The following DOCK1 variants were observed in gnomAD, a reference collection of about 807,000 sequenced individuals.
The protein encoded by DOCK1 is dedicator of cytokinesis protein 1.
Under a neutral mutation model 262.7 loss-of-function variants are expected in DOCK1, and 138 were observed. That is an observed-to-expected ratio of 0.53 (90% CI 0.46 to 0.61). The LOEUF is 0.61. DOCK1 is among the 20% of genes least tolerant of loss of function. The pLI is 0.00. For missense variants in DOCK1, 1,908 were observed against 2,370.7 expected (o/e 0.80, Z 4.05); for synonymous variants, 866 against 867.4 (o/e 1.00, Z 0.03).
At chr10:126,948,995 C>T (rs1169738581) in intron 1 of DOCK1, among the ~76,000 whole-genome samples, 1 of 152,138 alleles carries the variant, frequency 6.6e-6, no homozygotes, top group Non-Finnish European at 1.5e-5. Flanking sequence ...CCCCTGGACC[C>T]TGTTCCCTTT....
chr10:127,186,137 G>C (rs2056210772), intron 27 of DOCK1, among the ~76,000 whole-genome samples: 1 of 152,200 alleles, frequency 6.6e-6, no homozygotes, highest in South Asian at 2.1e-4. Flanking sequence ...AAACAATAGA[G>C]GGTCTGGGGC....
At chr10:127,272,450 A>G (rs562529964) in intron 29 of DOCK1, among the ~76,000 whole-genome samples, 2 of 152,324 alleles carry the variant, frequency 1.3e-5, no homozygotes, top group African/African-American at 4.8e-5. Context: ...CTAAATGCTA[A>G]TGTTTGTAAA....
intron 27 of DOCK1, among the ~76,000 whole-genome samples, chr10:127,147,751 G>T (rs1010195498): frequency 5.9e-5 from 9 of 152,076 alleles, no homozygotes; most frequent in Non-Finnish European, 1.0e-4. Context: ...ACCTGTCCTT[G>T]TCTGGGCACG....
chr10:127,450,592 G>GT (rs1469054123), intron 51 of DOCK1, among the ~76,000 whole-genome samples: 18 of 152,194 alleles, frequency 1.2e-4, no homozygotes, highest in African/African-American at 4.1e-4. Flanking sequence ...CATCAGGTGT[G>GT]TGTGATGGGC....
chr10:127,020,271 A>G lies in DOCK1; in HGVS notation c.1327+1436A>G, dbSNP rs76154605. 1.3e-4 allele frequency among the ~76,000 whole-genome samples: 20 copies of G among 152,338 alleles called. No homozygotes were observed. The East Asian group carries it at 3.9e-3, about 29-fold the overall frequency. On this transcript the variant is annotated intron_variant, in intron 13 of 51. Coordinates refer to ENST00000623213, the MANE Select transcript of DOCK1 (RefSeq NM_001290223.2). ...TTGCATTTGAGATACAGATTTATAA[A>G]TTAGGATGAAGCAATTGGCAATATG...
chr10:126,912,688 C>A (rs10751588), intron 1 of DOCK1, among the ~76,000 whole-genome samples: 3 of 148,136 alleles, frequency 2.0e-5, no homozygotes, highest in Admixed American at 2.0e-4. Flanking sequence ...ATCGCGCCAC[C>A]GTACTCCAGC....
chr10:127,256,963 T>C (rs1213785122), intron 28 of DOCK1, among the ~76,000 whole-genome samples: 2 of 152,190 alleles, frequency 1.3e-5, no homozygotes, highest in African/African-American at 4.8e-5. Context: ...TCATGAAAAA[T>C]TGATTTAGAG....
At position 127,176,379 on chromosome 10, in the gene DOCK1, G is replaced by A; in HGVS notation, c.2847+48615G>A. The A allele has an allele frequency of 6.2e-7, 1 of 1,608,638 alleles. No individual in the cohort carries two copies. The highest frequency in any genetic ancestry group is 1.1e-5 in the South Asian group (1 of 90,528). Reference sequence around the variant, plus strand: ...CGACGTTGTGAGTATGCATTTGCCGGTGTCCTTACTGACCATGGTTCCTGC... The same window carrying A: ...CGACGTTGTGAGTATGCATTTGCCGATGTCCTTACTGACCATGGTTCCTGC... On this transcript the variant is annotated intron_variant, in intron 27 of 51. Coordinates refer to ENST00000623213, the MANE Select transcript of DOCK1 (RefSeq NM_001290223.2). The surrounding 1 kb of genome is among the most constrained non-coding windows in gnomAD (Gnocchi z 4.4).
At position 127,000,075 on chromosome 10, in the gene DOCK1, G is replaced by A. The variant is rs182074606; in HGVS notation, c.850-97G>A. The A allele has an allele frequency of 3.4e-4, 483 of 1,400,142 alleles. 1 individual carries two copies. Among genetic ancestry groups the A allele is most frequent in the Non-Finnish European group, 4.4e-4 (450 of 1,020,330 alleles). The allele number at this position is 1,400,142 out of a possible 1,614,324, so 86.7% of individuals were successfully genotyped here. On this transcript the variant is annotated intron_variant, in intron 9 of 51. Coordinates refer to ENST00000623213, the MANE Select transcript of DOCK1 (RefSeq NM_001290223.2). Reference sequence around the variant, plus strand: ...TGATTAAAATGATAAAAACTGGTCTGAGAAGAGTCTCAATCCATTTTTTTA... The same window carrying A: ...TGATTAAAATGATAAAAACTGGTCTAAGAAGAGTCTCAATCCATTTTTTTA...
chr10:127,166,876 G>A (rs1589733644), intron 27 of DOCK1, among the ~76,000 whole-genome samples: 1 of 151,740 alleles, frequency 6.6e-6, no homozygotes, highest in African/African-American at 2.4e-5. Context: ...TGGGCTGTCT[G>A]GATTGCCTAG....
chr10:127,450,948 G>A (rs755428843), intron 51 of DOCK1, among the ~76,000 whole-genome samples: 4 of 152,244 alleles, frequency 2.6e-5, no homozygotes, highest in South Asian at 2.1e-4. Flanking sequence ...ACCTTTGCCC[G>A]AAGCTCAGAA....
intron 1 of DOCK1, among the ~76,000 whole-genome samples, chr10:126,938,903 G>T (rs1366560927): frequency 2.0e-5 from 2 of 102,550 alleles, no homozygotes; most frequent in African/African-American, 4.3e-5. Context: ...GAACACAGGA[G>T]GGGACGAACA....
At chr10:127,177,610 G>C (rs2055294310) in intron 27 of DOCK1, among the ~76,000 whole-genome samples, 1 of 152,208 alleles carries the variant, frequency 6.6e-6, no homozygotes, top group Non-Finnish European at 1.5e-5. Flanking sequence ...ATGGGCCCGT[G>C]AGAGCTGCAC....
At chr10:127,038,978 A>G (rs1050690484) in intron 19 of DOCK1, among the ~76,000 whole-genome samples, 1 of 152,146 alleles carries the variant, frequency 6.6e-6, no homozygotes, top group Non-Finnish European at 1.5e-5. Context: ...CTCTCCAGCA[A>G]GGTCTGTGTG....
intron 1 of DOCK1, among the ~76,000 whole-genome samples, chr10:126,957,325 G>A (rs1329203251): frequency 2.6e-5 from 4 of 152,130 alleles, no homozygotes; most frequent in East Asian, 3.9e-4. Context: ...GCTTGGGGAC[G>A]GCACTGGGCT....
In DOCK1 at chr10:127,339,049, A is replaced by C. The variant is rs1209277586; in HGVS notation, c.3088A>C (p.Lys1030Gln). ...TAATCAGTATGCAGATATGCTGAAC[A>C]AAAAATTTCTGGATCAAGCCAACTT... Reference protein sequence around the residue: ...AINQYADMLNKKFLDQANFEL... With the variant: ...AINQYADMLNQKFLDQANFEL... The change falls in exon 30 of 52, where the codon AAA (lysine) becomes CAA (glutamine). Residue 1030 changes from lysine to glutamine, a missense_variant. Lys to Gln is a moderately conservative substitution (Grantham distance 53). Coordinates refer to ENST00000623213, the MANE Select transcript of DOCK1 (RefSeq NM_001290223.2). 1.3e-6 allele frequency: 2 copies of C among 1,582,098 alleles called. No individual in the cohort carries two copies. Among genetic ancestry groups the C allele is most frequent in the Non-Finnish European group, 8.6e-7 (1 of 1,163,368 alleles).
chr10:127,132,298 G>A (rs919766314), intron 27 of DOCK1, among the ~76,000 whole-genome samples: 4 of 151,996 alleles, frequency 2.6e-5, no homozygotes, highest in Admixed American at 2.6e-4. Flanking sequence ...GCTATGATCC[G>A]AAGTATTACA....
chr10:127,022,830 G>A (rs957065286), intron 13 of DOCK1, among the ~76,000 whole-genome samples: 2 of 152,208 alleles, frequency 1.3e-5, no homozygotes, highest in African/African-American at 4.8e-5. Context: ...TGAGGACTCA[G>A]ACAGCCGTAG....
At chr10:127,404,142 G>A (rs570691718) in intron 39 of DOCK1, among the ~76,000 whole-genome samples, 183 bp from the exon 40 acceptor site, 2 of 152,134 alleles carry the variant, frequency 1.3e-5, no homozygotes, top group Admixed American at 1.3e-4. Flanking sequence ...ATGTCAAAAC[G>A]ATGGAGTGAG....
Sources: allele counts gnomAD v4.1 joint callset (sites outside exome capture counted in the v4.1 genomes callset), GRCh38; gene constraint gnomAD v4.1.1; non-coding constraint Gnocchi (gnomAD v3.1); transcripts MANE v1.5; gene names NCBI Gene and HGNC (gene_info 2026-07-23, HGNC 2026-07-21).